The following UBE3B variants were observed in gnomAD, a reference collection of about 807,000 sequenced individuals.
UBE3B encodes the protein ubiquitin-protein ligase E3B.
Under a neutral mutation model 132.3 loss-of-function variants are expected in UBE3B, and 80 were observed. The ratio of observed to expected loss-of-function variants is 0.60; its 90% confidence interval spans 0.50 to 0.73. The LOEUF is 0.73. UBE3B is among the 30% of genes least tolerant of loss of function. The probability of loss-of-function intolerance (pLI) is 0.00; values close to 1 mark genes in which losing one functional copy is unlikely to be tolerated. For missense variants in UBE3B, 1,196 were observed against 1,362.5 expected (o/e 0.88, Z 1.92); for synonymous variants, 487 against 520.4 (o/e 0.94, Z 0.87).
chr12:109,489,699 C>T (rs1211336520), intron 7 of UBE3B, among the ~76,000 whole-genome samples: 2 of 152,212 alleles, frequency 1.3e-5, no homozygotes, highest in Non-Finnish European at 2.9e-5. Context: ...GGACCCATCA[C>T]TCAAGAGGTG....
Position 109,533,553 on chromosome 12 carries a change from G to T in UBE3B, c.3010G>T (p.Asp1004Tyr). The part of the protein sequence containing the change: ...FSIRCVEVSD[D>Y]QDTGDTLGSV... ...CATCCGCTGCGTGGAGGTGTCGGAC[G>T]ATCAGGTACCCCCACGGGGTGGGTG... The change falls in exon 27 of 28, where the codon GAT (aspartate) becomes TAT (tyrosine). Residue 1004 changes from aspartate (D) to tyrosine (Y), a missense_variant. Coordinates refer to ENST00000342494, the MANE Select transcript of UBE3B (RefSeq NM_130466.4). The T allele has an allele frequency of 4.3e-6, 7 of 1,613,112 alleles. No homozygotes were observed. The highest frequency in any genetic ancestry group is 5.9e-6 in the Non-Finnish European group (7 of 1,179,850).
chr12:109,517,882 G>A (rs1442430314), intron 19 of UBE3B: 2 of 415,770 alleles, frequency 4.8e-6, no homozygotes, highest in Non-Finnish European at 1.0e-5. Context: ...CTCCCTCGGT[G>A]CATCGTACCT....
chr12:109,530,125 G>A (rs924159639), intron 25 of UBE3B, 53 bp downstream of exon 25: 4 of 1,604,478 alleles, frequency 2.5e-6, no homozygotes, highest in African/African-American at 1.3e-5. Flanking sequence ...CAGAAAGCCA[G>A]CTGCTCCCTC....
At chr12:109,509,758 C>A (rs762033971) in intron 16 of UBE3B, 44 bp downstream of exon 16, 10 of 1,328,772 alleles carry the variant, frequency 7.5e-6, no homozygotes, top group Non-Finnish European at 8.4e-6. Context: ...ATGCTGCACC[C>A]AGGGAGGCCG....
At chr12:109,528,799 G>A (rs558901034) in intron 24 of UBE3B, among the ~76,000 whole-genome samples, 5 of 151,584 alleles carry the variant, frequency 3.3e-5, no homozygotes, top group Admixed American at 6.6e-5. Flanking sequence ...GCAGTGAGCC[G>A]AATCGCGCCA....
Position 109,483,911 on chromosome 12 carries a change from G to T in UBE3B, c.212G>T (p.Arg71Ile). The change falls in exon 4 of 28, where the codon AGA (arginine) becomes ATA (isoleucine). Residue 71 changes from arginine (R) to isoleucine (I), a missense_variant. Transcript: ENST00000342494. ...FKADDPESTK[R>I]SALCIFKIAR... ...GCAGATGACCCTGAGTCCACTAAAA[G>T]AAGTGCACTTTGTATTTTCAAGATT... is the stretch of plus-strand genomic sequence containing the variant. The T allele has an allele frequency of 6.2e-7, 1 of 1,614,044 alleles. No individual in the cohort carries two copies. The highest frequency in any genetic ancestry group is 8.5e-7 in the Non-Finnish European group (1 of 1,179,960).
Position 109,534,585 on chromosome 12 carries a change from C to CCTG in UBE3B, c.3016-6_3016-5insCTG, listed in dbSNP as rs750962414. On this transcript the variant is annotated splice_polypyrimidine_tract_variant and splice_region_variant and intron_variant, in intron 27 of 27. Transcript: ENST00000342494. This position sits in a 1 kb window ranked among gnomAD's most constrained non-coding sequence, Gnocchi z 5.2. ...CCCAATTCAAGGCCACGATGTGTGCCTTCAGGACACCGGGGACACTCTGGG... is the reference window on the plus strand; with the variant it reads ...CCCAATTCAAGGCCACGATGTGTGCCCTGTTCAGGACACCGGGGACACTCTGGG... The CCTG allele has an allele frequency of 6.2e-7, 1 of 1,604,612 alleles. No homozygotes were observed. The highest frequency in any genetic ancestry group is 1.1e-5 in the South Asian group (1 of 90,034).
chr12:109,529,617 G>A (rs1882741197), intron 24 of UBE3B, among the ~76,000 whole-genome samples: 1 of 152,166 alleles, frequency 6.6e-6, no homozygotes, highest in Admixed American at 6.5e-5. Context: ...CGACATAGTG[G>A]GGGCTTACCC....
In UBE3B at chr12:109,534,291, C is replaced by T. The variant is rs760222552; in HGVS notation, c.3016-300C>T. ...GGCACCTAACAGTTTTTACAGCATTCTACTTTTTGTCAATTGGTTAACCAG... is the reference window on the plus strand; with the variant it reads ...GGCACCTAACAGTTTTTACAGCATTTTACTTTTTGTCAATTGGTTAACCAG... On this transcript the variant is annotated intron_variant, in intron 27 of 27. Coordinates refer to ENST00000342494, the MANE Select transcript of UBE3B (RefSeq NM_130466.4). The surrounding 1 kb of genome is among the most constrained non-coding windows in gnomAD (Gnocchi z 5.2). 3.3e-5 allele frequency: 45 copies of T among 1,371,358 alleles called. No individual in the cohort carries two copies. Among genetic ancestry groups the T allele is most frequent in the Non-Finnish European group, 4.1e-5 (43 of 1,061,458 alleles). The allele number at this position is 1,371,358 out of a possible 1,614,324, so 84.9% of individuals were successfully genotyped here.
rs951818233 is a variant in UBE3B, at chr12:109,501,423, G to T, written c.1171G>T (p.Val391Leu). The change falls in exon 13 of 28, where the codon GTG (valine) becomes TTG (leucine). Residue 391 changes from valine to leucine, a missense_variant. Physicochemically the swap from Val to Leu is conservative, Grantham distance 32. Transcript: ENST00000342494. ...CAAACAGCTGCAGTTCTTGTGGGGGGTGCCTCTGATCCGGATCTTCTTCTG... is the reference window on the plus strand; with the variant it reads ...CAAACAGCTGCAGTTCTTGTGGGGGTTGCCTCTGATCCGGATCTTCTTCTG... Reference protein sequence around the residue: ...ITKQLQFLWGVPLIRIFFCDI... With the variant: ...ITKQLQFLWGLPLIRIFFCDI... 1.9e-6 allele frequency: 3 copies of T among 1,614,148 alleles called. No individual in the cohort carries two copies. Among genetic ancestry groups the T allele is most frequent in the Non-Finnish European group, 1.7e-6 (2 of 1,180,024 alleles).
chr12:109,499,715 G>A lies in UBE3B; in HGVS notation c.1023G>A (p.Thr341=), dbSNP rs368626531. 1.2e-5 allele frequency: 19 copies of A among 1,613,612 alleles called. No homozygotes were observed. In the South Asian group the frequency reaches 1.3e-4, roughly 11 times the overall value. The change falls in exon 12 of 28, where the codon ACG becomes ACA. Residue 341 remains threonine, a synonymous_variant. Coordinates refer to ENST00000342494, the MANE Select transcript of UBE3B (RefSeq NM_130466.4). ...TDGFVSLLTQ[T]LCYCRKYVSQ... is the part of the protein sequence containing the mutation. ...GGTTCGTGAGTTTGCTCACCCAGACGCTGTGCTACTGTCGGAAGTATGTGT... is the reference window on the plus strand; with the variant it reads ...GGTTCGTGAGTTTGCTCACCCAGACACTGTGCTACTGTCGGAAGTATGTGT...
At chr12:109,528,439 T>A (rs1364981381) in intron 24 of UBE3B, 1 of 985,134 alleles carries the variant, frequency 1.0e-6, no homozygotes. Context: ...AAAATTTTTT[T>A]AAATAGGGAT....
chr12:109,506,104 G>A (rs1879635217), intron 14 of UBE3B, among the ~76,000 whole-genome samples: 1 of 152,166 alleles, frequency 6.6e-6, no homozygotes, highest in African/African-American at 2.4e-5. Flanking sequence ...GTCCCCTTTT[G>A]CTTCCTCAGG....
intron 18 of UBE3B, among the ~76,000 whole-genome samples, chr12:109,515,485 T>C (rs551477905): frequency 2.0e-5 from 3 of 152,180 alleles, no homozygotes; most frequent in Non-Finnish European, 4.4e-5. Context: ...TTCTCCTGCC[T>C]CAGCCTCCCG....
intron 6 of UBE3B, among the ~76,000 whole-genome samples, chr12:109,486,927 A>T (rs1360147303): frequency 6.6e-6 from 1 of 152,216 alleles, no homozygotes; most frequent in Non-Finnish European, 1.5e-5. Flanking sequence ...ATCACGTACC[A>T]GTTAAGCAAG....
At chr12:109,506,138 G>A (rs544159169) in intron 14 of UBE3B, among the ~76,000 whole-genome samples, 1 of 152,264 alleles carries the variant, frequency 6.6e-6, no homozygotes, top group Non-Finnish European at 1.5e-5. Context: ...ATAGTTCAGA[G>A]CATCCTACCA....
intron 11 of UBE3B, 100 bp from the exon 12 acceptor site, chr12:109,499,533 C>A: frequency 8.2e-7 from 1 of 1,220,900 alleles, no homozygotes; most frequent in Non-Finnish European, 1.1e-6. Context: ...TTTCTTGCTG[C>A]ACATGGGATG....
chr12:109,538,989 A>G (rs899572637), downstream of UBE3B, among the ~76,000 whole-genome samples: 1 of 152,204 alleles, frequency 6.6e-6, no homozygotes, highest in Admixed American at 6.5e-5. This position sits in a 1 kb window ranked among gnomAD's most constrained non-coding sequence, Gnocchi z 4.1. Flanking sequence ...TAATCTGAAC[A>G]CTTTGGGAGG....
chr12:109,481,187 C>T (rs967167071), intron 1 of UBE3B, among the ~76,000 whole-genome samples: 1 of 151,358 alleles, frequency 6.6e-6, no homozygotes, highest in African/African-American at 2.4e-5. Context: ...TATGGTGGCA[C>T]ACACCTGTAA....
Sources: gnomAD v4.1 joint callset for allele counts (sites outside exome capture counted in the v4.1 genomes callset) on GRCh38, gnomAD v4.1.1 for gene constraint, Gnocchi (gnomAD v3.1) non-coding constraint, MANE v1.5 for transcripts, NCBI Gene and HGNC (gene_info 2026-07-23, HGNC 2026-07-21) for gene names.